The following NOC3L variants were observed in gnomAD, a reference collection of about 807,000 sequenced individuals.
NOC3L encodes the protein NOC3 like DNA replication regulator, also known as nucleolar complex protein 3 homolog.
NOC3L carries 85 observed loss-of-function variants against 102.5 expected under a neutral mutation model. That is an observed-to-expected ratio of 0.83 (90% confidence interval 0.70 to 0.99). The LOEUF (loss-of-function observed/expected upper bound fraction) is 0.99, where lower values mean the gene tolerates loss of function less well. Ranked by LOEUF, NOC3L falls within the 50% of genes least tolerant of loss-of-function variation. The pLI is 0.00. For synonymous variants in NOC3L, 303 were observed against 309.4 expected (o/e 0.98, Z 0.22); for missense variants, 878 against 914.9 (o/e 0.96, Z 0.52).
intron 6 of NOC3L, among the ~76,000 whole-genome samples, chr10:94,354,585 A>G (rs374702257): frequency 9.9e-5 from 15 of 152,180 alleles, no homozygotes; most frequent in Non-Finnish European, 1.2e-4. Flanking sequence ...AACTAATTCC[A>G]TACACTTCCC....
Position 94,334,028 on chromosome 10 carries a change from C to T in NOC3L, c.*149G>A. On this transcript the variant is annotated 3_prime_UTR_variant, in exon 21 of 21. Coordinates refer to ENST00000371361, the MANE Select transcript of NOC3L (RefSeq NM_022451.11). ...TTCAGAATAGGGGCAGAACCCTGTG[C>T]CATGCAAAGGGTCATTCTTCCTCTT... is the stretch of plus-strand genomic sequence containing the variant. 1 of 533,290 alleles carries T rather than the reference C, an allele frequency of 1.9e-6. No individual in the cohort carries two copies. Among genetic ancestry groups the T allele is most frequent in the South Asian group, 3.1e-5 (1 of 31,944 alleles). 33.0% of individuals were successfully genotyped at this position (533,290 alleles called of 1,614,324 possible).
At chr10:94,344,964 G>A (rs371130103) in intron 11 of NOC3L, 31 bp from the exon 12 acceptor site, 124 of 1,507,218 alleles carry the variant, frequency 8.2e-5, no homozygotes, top group Non-Finnish European at 1.1e-4. Context: ...AAAAATCTAA[G>A]AGCATATACC....
At chr10:94,351,285 G>T (rs1334851663) in intron 8 of NOC3L, among the ~76,000 whole-genome samples, 8 of 139,478 alleles carry the variant, frequency 5.7e-5, no homozygotes. Context: ...TAGGCCAACA[G>T]GATTCAGTGG....
chr10:94,340,114 T>C (rs2054265171), intron 16 of NOC3L, among the ~76,000 whole-genome samples, 162 bp downstream of exon 16: 1 of 152,208 alleles, frequency 6.6e-6, no homozygotes, highest in Admixed American at 6.5e-5. Context: ...TTCCAGAAGC[T>C]CTTTCTCCAA....
intron 1 of NOC3L, among the ~76,000 whole-genome samples, chr10:94,362,480 T>A (rs1271522776): frequency 6.6e-6 from 1 of 152,180 alleles, no homozygotes; most frequent in African/African-American, 2.4e-5. Flanking sequence ...TGCTTTTCTA[T>A]CTCTTTACCC....
Position 94,340,497 on chromosome 10 carries a change from C to CT in NOC3L, c.1645-2dup. ...GAAGACTTTCTTGATAGCTTAGGTC[C>CT]TTTAAAAAAAAAAGGGGGGGGTGAG... On this transcript the variant is annotated splice_acceptor_variant, in intron 14 of 20. Transcript: ENST00000371361. LOFTEE classifies it high-confidence loss of function. The CT allele has an allele frequency of 2.7e-6, 3 of 1,101,158 alleles. No homozygotes were observed. Among genetic ancestry groups the CT allele is most frequent in the Non-Finnish European group, 3.9e-6 (3 of 765,920 alleles). 68.2% of individuals were successfully genotyped at this position (1,101,158 alleles called of 1,614,324 possible).
At chr10:94,320,292 G>T in the NOC3L span, among the ~76,000 whole-genome samples, 1 of 151,334 alleles carries the variant, frequency 6.6e-6, no homozygotes, top group Non-Finnish European at 1.5e-5. Context: ...ATTCATTCAT[G>T]GGAAAAAAAT....
chr10:94,342,806 C>CCGG (rs1327711021), intron 13 of NOC3L, among the ~76,000 whole-genome samples: 4 of 151,804 alleles, frequency 2.6e-5, no homozygotes, highest in Admixed American at 6.6e-5. Context: ...GCAGGCAGGC[C>CCGG]CGGTGCGATG....
the NOC3L span, chr10:94,316,505 G>C: frequency 7.7e-7 from 1 of 1,306,250 alleles, no homozygotes; most frequent in Non-Finnish European, 1.1e-6. Flanking sequence ...TTTGTTTTAA[G>C]TTTTTGCCTC....
chr10:94,331,688 G>C (rs1034534211), downstream of NOC3L: 1 of 152,102 alleles, frequency 6.6e-6, no homozygotes, highest in African/African-American at 2.4e-5. Flanking sequence ...CTTATACAGA[G>C]TCTAGACTTG....
rs753476353 is a variant in NOC3L, at chr10:94,344,942, A to G, written c.1390-9T>C. 1 of 1,596,656 alleles carries G rather than the reference A, an allele frequency of 6.3e-7. No homozygotes were observed. The highest frequency in any genetic ancestry group is 1.1e-5 in the South Asian group (1 of 87,478). On this transcript the variant is annotated splice_polypyrimidine_tract_variant and intron_variant, in intron 11 of 20. Transcript: ENST00000371361. ...TCTTCTGCTTTCTTCCACTGAAAATAGATTGAAAAACAAAAATCTAAGAGC... is the reference window on the plus strand; with the variant it reads ...TCTTCTGCTTTCTTCCACTGAAAATGGATTGAAAAACAAAAATCTAAGAGC...
At chr10:94,346,928 G>C (rs58970354) in intron 10 of NOC3L, among the ~76,000 whole-genome samples, 2,622 of 152,236 alleles carry the variant, frequency 0.017, 96 homozygotes, top group African/African-American at 0.06. Context: ...CCTATCCCCA[G>C]AGTTTCTGAT....
chr10:94,327,890 T>C, the NOC3L span: 39 of 455,450 alleles, frequency 8.6e-5, no homozygotes, highest in Non-Finnish European at 1.6e-4. Flanking sequence ...TGGAAAACTC[T>C]GAACCCTTGG....
At position 94,344,862 on chromosome 10, in the gene NOC3L, T is replaced by C. The variant is rs756774598; in HGVS notation, c.1461A>G (p.Lys487=). 6.2e-7 allele frequency: 1 copy of C among 1,600,950 alleles called. No homozygotes were observed. The highest frequency in any genetic ancestry group is 2.2e-5 in the East Asian group (1 of 44,774). The change falls in exon 12 of 21, where the codon AAA becomes AAG. Residue 487 remains lysine, a synonymous_variant. Transcript: ENST00000371361. ...EAEASESTEK[K]LKLHTETLNI... is the part of the protein sequence containing the mutation. ...ATATGAAACTGCCTACCAGTTTAAGTTTTTTCTCAGTACTCTCTGAAGCTT... is the reference window on the plus strand; with the variant it reads ...ATATGAAACTGCCTACCAGTTTAAGCTTTTTCTCAGTACTCTCTGAAGCTT...
At position 94,341,753 on chromosome 10, in the gene NOC3L, C is replaced by T; in HGVS notation, c.1572-8G>A. 1 of 1,514,098 alleles carries T rather than the reference C, an allele frequency of 6.6e-7. No individual in the cohort carries two copies. 93.8% of individuals were successfully genotyped at this position (1,514,098 alleles called of 1,614,324 possible). ...TTTATAAGGTGAGCAAACCTGGAATCAAACAAAACAGTTAATCAGTGAACT... is the reference window on the plus strand; with the variant it reads ...TTTATAAGGTGAGCAAACCTGGAATTAAACAAAACAGTTAATCAGTGAACT... On this transcript the variant is annotated splice_polypyrimidine_tract_variant and splice_region_variant and intron_variant, in intron 13 of 20. Transcript: ENST00000371361.
chr10:94,315,574 G>GC, the NOC3L span: 1 of 449,312 alleles, frequency 2.2e-6, no homozygotes, highest in Non-Finnish European at 4.5e-6. Context: ...TTTGAGACCA[G>GC]CCTGGCCAAC....
At chr10:94,350,490 C>A (rs1259445443) in intron 8 of NOC3L, among the ~76,000 whole-genome samples, 2 of 151,826 alleles carry the variant, frequency 1.3e-5, no homozygotes. Flanking sequence ...GTGGGCAGAT[C>A]ACGAGCTCAG....
intron 17 of NOC3L, 102 bp from the exon 18 acceptor site, chr10:94,338,838 T>G (rs1367167071): frequency 4.0e-6 from 4 of 989,856 alleles, no homozygotes; most frequent in Non-Finnish European, 5.7e-6. Flanking sequence ...TATGGTTGTA[T>G]AAGAGCTTTG....
At chr10:94,334,327 G>T in intron 20 of NOC3L, 22 bp from the exon 21 acceptor site, 1 of 1,492,874 alleles carries the variant, frequency 6.7e-7, no homozygotes. Context: ...TTTAAAGTAT[G>T]AGTTAGAAGT....
Sources: gnomAD v4.1 joint callset for allele counts (sites outside exome capture counted in the v4.1 genomes callset) on GRCh38, gnomAD v4.1.1 for gene constraint, MANE v1.5 for transcripts, NCBI Gene and HGNC (gene_info 2026-07-23, HGNC 2026-07-21) for gene names.